CD247: variants seen among roughly 807,000 people sequenced by gnomAD.
CD247 encodes the protein CD247 molecule.
A neutral mutation model predicts 30.0 loss-of-function variants in CD247; 13 were observed. The ratio of observed to expected loss-of-function variants is 0.43; its 90% confidence interval spans 0.28 to 0.69. The LOEUF is 0.69. Among genes scored for constraint, CD247 ranks in the 30% least tolerant of loss-of-function variants. The pLI is 0.16. For synonymous variants in CD247, 72 were observed against 80.0 expected (o/e 0.90, Z 0.53); for missense variants, 193 against 212.6 (o/e 0.91, Z 0.57).
At position 167,433,953 on chromosome 1, in the gene CD247, C is replaced by A; in HGVS notation, c.393+67G>T. 6 of 1,362,878 alleles carry A rather than the reference C, an allele frequency of 4.4e-6. No individual in the cohort carries two copies. In the South Asian group the frequency reaches 4.6e-5, roughly 11 times the overall value. 84.4% of individuals were successfully genotyped at this position (1,362,878 alleles called of 1,614,324 possible). The stretch of plus-strand genomic sequence containing the variant: ...GATGAGAAGTGGATGGGAAAGGAGG[C>A]CTGCAGCAGGCGTGTCTGGAGGACC... On this transcript the variant is annotated intron_variant, in intron 6 of 7. Transcript: ENST00000362089.
At chr1:167,495,376 G>C (rs1006410035) in intron 1 of CD247, among the ~76,000 whole-genome samples, 1 of 152,172 alleles carries the variant, frequency 6.6e-6, no homozygotes, top group Non-Finnish European at 1.5e-5. Flanking sequence ...AAATGACAGA[G>C]GTGGGAGTAG....
At chr1:167,472,549 T>G (rs1034569046) in intron 1 of CD247, among the ~76,000 whole-genome samples, 6 of 152,212 alleles carry the variant, frequency 3.9e-5, no homozygotes, top group Non-Finnish European at 8.8e-5. Context: ...GTGGACTTTT[T>G]TTTTCAAGGG....
rs755981830 is a variant in CD247 at position 167,450,711 on chromosome 1, G to A, written c.59-9944C>T. Among the ~76,000 whole-genome samples the A allele has an allele frequency of 1.3e-3, 199 of 152,050 alleles. 5 individuals are homozygous for A. Among genetic ancestry groups the A allele is most frequent in the Non-Finnish European group, 2.5e-4 (17 of 67,984 alleles). ...AGGCAGATCACTAGGTCAGGAGCTCGAGACCAGTCTAGCCAATATGGTAAA... is the reference window on the plus strand; with the variant it reads ...AGGCAGATCACTAGGTCAGGAGCTCAAGACCAGTCTAGCCAATATGGTAAA... On this transcript the variant is annotated intron_variant, in intron 1 of 7. Transcript: ENST00000362089.
chr1:167,489,464 A>G (rs958865157), intron 1 of CD247, among the ~76,000 whole-genome samples: 5 of 152,158 alleles, frequency 3.3e-5, no homozygotes, highest in Non-Finnish European at 7.3e-5. Flanking sequence ...CTTTCTTTCT[A>G]TTCATCTGGT....
At chr1:167,483,931 G>T (rs1654084115) in intron 1 of CD247, among the ~76,000 whole-genome samples, 1 of 152,248 alleles carries the variant, frequency 6.6e-6, no homozygotes. Context: ...TGCCCACTTG[G>T]CTGGCTGCAG....
chr1:167,442,986 C>T (rs1651910058), intron 1 of CD247, among the ~76,000 whole-genome samples: 1 of 152,134 alleles, frequency 6.6e-6, no homozygotes, highest in Admixed American at 6.5e-5. Context: ...CCCATTCTTC[C>T]TTGAACACCC....
intron 5 of CD247, 117 bp from the exon 6 acceptor site, chr1:167,434,193 C>T: frequency 1.1e-6 from 1 of 897,334 alleles, no homozygotes; most frequent in Non-Finnish European, 1.9e-6. Flanking sequence ...ACAGGGAGGG[C>T]TCCCACAATC....
At position 167,468,344 on chromosome 1, in the gene CD247, G is replaced by A. The variant is rs865970885; in HGVS notation, c.59-27577C>T. Among the ~76,000 whole-genome samples the A allele has an allele frequency of 1.4e-4, 22 of 152,266 alleles. 1 individual carries two copies. The highest frequency in any genetic ancestry group is 3.4e-3 in the Middle Eastern group (1 of 294). On this transcript the variant is annotated intron_variant, in intron 1 of 7. Transcript: ENST00000362089. ...CAAGTTAATACCCATAAAGAACTTCGCACTCCCTCAGTTGAAGGATGCTCT... is the reference window on the plus strand; with the variant it reads ...CAAGTTAATACCCATAAAGAACTTCACACTCCCTCAGTTGAAGGATGCTCT...
At chr1:167,512,616 C>T (rs1177935286) in intron 1 of CD247, among the ~76,000 whole-genome samples, 1 of 152,162 alleles carries the variant, frequency 6.6e-6, no homozygotes. Context: ...TCCAGTGTTC[C>T]CCCATTATTG....
intron 1 of CD247, among the ~76,000 whole-genome samples, chr1:167,467,599 G>A (rs1241892276): frequency 2.0e-5 from 3 of 152,120 alleles, no homozygotes; most frequent in Non-Finnish European, 4.4e-5. Context: ...AAGCGTTGGG[G>A]GCTGGCTGTT....
At chr1:167,434,962 C>T (rs1203224464) in intron 5 of CD247, 3 of 373,548 alleles carry the variant, frequency 8.0e-6, no homozygotes, top group East Asian at 8.6e-5. Flanking sequence ...CCAGCCCTTC[C>T]TCCGGAGCCC....
intron 1 of CD247, among the ~76,000 whole-genome samples, chr1:167,504,473 T>G (rs1195554005): frequency 6.6e-6 from 1 of 152,252 alleles, no homozygotes; most frequent in Non-Finnish European, 1.5e-5. Flanking sequence ...GACGATGAAA[T>G]GTATGATTAA....
intron 1 of CD247, among the ~76,000 whole-genome samples, chr1:167,452,053 T>C (rs1243710791): frequency 2.0e-5 from 3 of 152,078 alleles, no homozygotes; most frequent in African/African-American, 7.2e-5. Context: ...CTAAACCCCG[T>C]CTCTACCGAA....
intron 1 of CD247, among the ~76,000 whole-genome samples, chr1:167,511,494 G>T (rs1303959368): frequency 3.3e-5 from 5 of 152,114 alleles, no homozygotes; most frequent in African/African-American, 1.2e-4. Context: ...ATCAGCTTTG[G>T]AGAAAATGTA....
intron 1 of CD247, among the ~76,000 whole-genome samples, chr1:167,499,066 G>A (rs897861010): frequency 2.0e-5 from 3 of 152,054 alleles, no homozygotes; most frequent in Non-Finnish European, 4.4e-5. Context: ...TGTCCATCAT[G>A]GCCTAATCAT....
In CD247 at chr1:167,493,037, C is replaced by CTTTTTTTT. The variant is rs60850667; in HGVS notation, c.58+25363_58+25370dup. Among the ~76,000 whole-genome samples the CTTTTTTTT allele has an allele frequency of 4.9e-4, 39 of 80,366 alleles. 1 individual carries two copies. The highest frequency in any genetic ancestry group is 7.2e-4 in the East Asian group (2 of 2,776). The allele number at this position is 80,366 out of a possible 152,430, so 52.7% of individuals were successfully genotyped here. On this transcript the variant is annotated intron_variant, in intron 1 of 7. Coordinates refer to ENST00000362089, the MANE Select transcript of CD247 (RefSeq NM_198053.3). ...TGCCCTATTTTCCCTAATTTTTCTCCTTTTTTTTTTTTTTTTTTTTTTTGA... is the reference window on the plus strand; with the variant it reads ...TGCCCTATTTTCCCTAATTTTTCTCCTTTTTTTTTTTTTTTTTTTTTTTTTTTTTTTGA...
At chr1:167,459,432 A>C (rs544831988) in intron 1 of CD247, among the ~76,000 whole-genome samples, 1 of 140,460 alleles carries the variant, frequency 7.1e-6, no homozygotes, top group East Asian at 2.1e-4. Flanking sequence ...AGCCCACTGC[A>C]ACCTCCACCT....
At chr1:167,495,410 G>C (rs1013838996) in intron 1 of CD247, among the ~76,000 whole-genome samples, 1 of 152,144 alleles carries the variant, frequency 6.6e-6, no homozygotes, top group Non-Finnish European at 1.5e-5. Flanking sequence ...CTACCAGAGG[G>C]AAGAAGAGTG....
intron 1 of CD247, among the ~76,000 whole-genome samples, chr1:167,502,437 G>C (rs1457158362): frequency 1.3e-5 from 2 of 152,206 alleles, no homozygotes; most frequent in Admixed American, 1.3e-4. Flanking sequence ...TTCACAATCT[G>C]TCTGTACCTC....
Sources: gnomAD v4.1 joint callset for allele counts (sites outside exome capture counted in the v4.1 genomes callset) on GRCh38, gnomAD v4.1.1 for gene constraint, MANE v1.5 for transcripts, NCBI Gene and HGNC (gene_info 2026-07-23, HGNC 2026-07-21) for gene names.